Variants in NPR1 observed in about 807,000 individuals in gnomAD.
The protein encoded by NPR1 is atrial natriuretic peptide receptor 1.
Under a neutral mutation model 116.9 loss-of-function variants are expected in NPR1, and 57 were observed. That is an observed-to-expected ratio of 0.49 (90% CI 0.39 to 0.61). NPR1 has a LOEUF of 0.61. Ranked by LOEUF, NPR1 falls within the 20% of genes least tolerant of loss-of-function variation. The pLI is 0.00. For synonymous variants in NPR1, 555 were observed against 601.6 expected (o/e 0.92, Z 1.13); for missense variants, 1,096 against 1,409.8 (o/e 0.78, Z 3.56).
At position 153,679,680 on chromosome 1, in the gene NPR1, G is replaced by C; in HGVS notation, c.572G>C (p.Gly191Ala). ...QALMLYAYRPGDEEHCFFLVE... is the reference protein window; with the variant it reads ...QALMLYAYRPADEEHCFFLVE... ...CTCATGCTCTACGCCTACCGGCCGGGTGACGAAGAGCACTGCTTCTTCCTC... is the reference window on the plus strand; with the variant it reads ...CTCATGCTCTACGCCTACCGGCCGGCTGACGAAGAGCACTGCTTCTTCCTC... Residue 191 changes from glycine (G) to alanine (A), a missense_variant, in exon 1 of 22, where the codon GGT becomes GCT. Coordinates refer to ENST00000368680, the MANE Select transcript of NPR1 (RefSeq NM_000906.4). This position sits in a 1 kb window ranked among gnomAD's most constrained non-coding sequence, Gnocchi z 4.2. 6.2e-7 allele frequency: 1 copy of C among 1,609,340 alleles called. No homozygotes were observed. The highest frequency in any genetic ancestry group is 8.5e-7 in the Non-Finnish European group (1 of 1,179,226).
Position 153,693,859 on chromosome 1 carries a change from C to T in NPR1, c.*445C>T, listed in dbSNP as rs958251015. 5.0e-6 allele frequency: 2 copies of T among 400,716 alleles called. No individual in the cohort carries two copies. Among genetic ancestry groups the T allele is most frequent in the Middle Eastern group, 6.3e-4 (1 of 1,598 alleles). The allele number at this position is 400,716 out of a possible 1,614,324, so 24.8% of individuals were successfully genotyped here. A position where few individuals can be genotyped will look rare whatever the true frequency, so the allele number is the denominator to read the frequency against. ...CACATCTGGGGCTGGCCCACAATAC[C>T]TGCTCCCCCGACCCCCTCCACCCAG... On this transcript the variant is annotated 3_prime_UTR_variant, in exon 22 of 22. Coordinates refer to ENST00000368680, the MANE Select transcript of NPR1 (RefSeq NM_000906.4).
At chr1:153,687,377 C>G in intron 13 of NPR1, 21 bp downstream of exon 13, 5 of 1,612,152 alleles carry the variant, frequency 3.1e-6, no homozygotes, top group Non-Finnish European at 4.2e-6. Context: ...ACTCTTGAAC[C>G]TAACACCTGC....
chr1:153,690,887 G>A (rs1670089642), intron 20 of NPR1, among the ~76,000 whole-genome samples: 1 of 140,072 alleles, frequency 7.1e-6, no homozygotes, highest in African/African-American at 2.7e-5. Flanking sequence ...AGGTTGCGAT[G>A]AGCCAAGATT....
At chr1:153,691,917 AAAAG>A (rs1177204742) in intron 20 of NPR1, among the ~76,000 whole-genome samples, 2 of 151,842 alleles carry the variant, frequency 1.3e-5, no homozygotes, top group Non-Finnish European at 2.9e-5. Context: ...GAAAGAAAAG[AAAAG>A]AAAGAAACTG....
rs1183402081 is a variant in NPR1, at chr1:153,689,730, C to T, written c.2758-76C>T. On this transcript the variant is annotated intron_variant, in intron 18 of 21. Coordinates refer to ENST00000368680, the MANE Select transcript of NPR1 (RefSeq NM_000906.4). This position sits in a 1 kb window ranked among gnomAD's most constrained non-coding sequence, Gnocchi z 5.1. ...AGATGAGGGTACAGAATGACAGACGCTGCACCCGGTGTGACGGTGTGGCCG... is the reference window on the plus strand; with the variant it reads ...AGATGAGGGTACAGAATGACAGACGTTGCACCCGGTGTGACGGTGTGGCCG... 7.1e-7 allele frequency: 1 copy of T among 1,415,376 alleles called. No homozygotes were observed. Among genetic ancestry groups the T allele is most frequent in the African/African-American group, 1.4e-5 (1 of 70,428 alleles). 87.7% of individuals were successfully genotyped at this position (1,415,376 alleles called of 1,614,324 possible). A position where few individuals can be genotyped will look rare whatever the true frequency, so the allele number is the denominator to read the frequency against.
intron 10 of NPR1, 26 bp from the exon 11 acceptor site, chr1:153,686,620 G>C: frequency 6.2e-7 from 1 of 1,601,026 alleles, no homozygotes; most frequent in South Asian, 1.1e-5. Context: ...TCTCTGTCAA[G>C]CTCCTGATGC....
At position 153,685,788 on chromosome 1, in the gene NPR1, T is replaced by A; in HGVS notation, c.1606-18T>A. ...GGGCCCACCGGCTGACCATTCCTCC[T>A]GCTCTCCCTCCTTTCAGAGAGGCTC... On this transcript the variant is annotated intron_variant, in intron 8 of 21. Transcript: ENST00000368680. 1 of 1,610,770 alleles carries A rather than the reference T, an allele frequency of 6.2e-7. No individual in the cohort carries two copies. Among genetic ancestry groups the A allele is most frequent in the Non-Finnish European group, 8.5e-7 (1 of 1,176,918 alleles).
At chr1:153,693,288 G>T (rs1479722665) in intron 21 of NPR1, 64 bp from the exon 22 acceptor site, 1 of 1,601,986 alleles carries the variant, frequency 6.2e-7, no homozygotes, top group South Asian at 1.1e-5. Flanking sequence ...CATCCCTAAG[G>T]CTCTCATCTG....
chr1:153,688,290 C>T, intron 15 of NPR1, 69 bp downstream of exon 15: 2 of 1,538,486 alleles, frequency 1.3e-6, no homozygotes, highest in Admixed American at 3.6e-5. Context: ...ATGCTTCTGG[C>T]TCTGGCTTAT....
rs374064778 is a variant in NPR1 at position 153,690,037 on chromosome 1, CTT to C, written c.2932+58_2932+59del. On this transcript the variant is annotated intron_variant, in intron 19 of 21. Coordinates refer to ENST00000368680, the MANE Select transcript of NPR1 (RefSeq NM_000906.4). Reference sequence around the variant, plus strand: ...AGAGGCCAAGGCTTCGCAAGGGAAACTTGTCCCCTGGCCCAGCCCCTCGCCCT... The same window carrying C: ...AGAGGCCAAGGCTTCGCAAGGGAAACGTCCCCTGGCCCAGCCCCTCGCCCT... 365 of 1,416,082 alleles carry C rather than the reference CTT, an allele frequency of 2.6e-4. 2 individuals are homozygous for C. In the East Asian group the frequency reaches 7.6e-3, roughly 30 times the overall value. 87.7% of individuals were successfully genotyped at this position (1,416,082 alleles called of 1,614,324 possible).
intron 15 of NPR1, 37 bp downstream of exon 15, chr1:153,688,258 C>T (rs372398554): frequency 3.1e-6 from 5 of 1,595,768 alleles, no homozygotes; most frequent in Non-Finnish European, 4.3e-6. Flanking sequence ...CAGGCCCTTC[C>T]TCCACAGCCA....
At position 153,679,784 on chromosome 1, in the gene NPR1, A is replaced by G. The variant is rs761587113; in HGVS notation, c.676A>G (p.Ser226Gly). 4.5e-6 allele frequency: 7 copies of G among 1,557,638 alleles called. No individual in the cohort carries two copies. Among genetic ancestry groups the G allele is most frequent in the Non-Finnish European group, 6.1e-6 (7 of 1,155,890 alleles). The part of the protein sequence containing the change: ...DHLEFAEDDL[S>G]HYTRLLRTMP... ...CCTGGAGTTCGCCGAGGACGACCTC[A>G]GCCACTACACCAGGCTGCTGCGGAC... Residue 226 changes from serine to glycine, a missense_variant, in exon 1 of 22, where the codon AGC becomes GGC. Physicochemically the swap from Ser to Gly is moderately conservative, Grantham distance 56 (BLOSUM62 0). Transcript: ENST00000368680. This position sits in a 1 kb window ranked among gnomAD's most constrained non-coding sequence, Gnocchi z 4.2.
At chr1:153,684,044 A>ATCCAAGGAATG (rs2101732111) in intron 7 of NPR1, among the ~76,000 whole-genome samples, 2 of 152,228 alleles carry the variant, frequency 1.3e-5, no homozygotes, top group South Asian at 4.1e-4. Context: ...GGCCAAGGAG[A>ATCCAAGGAATG]GTCAGAAAGA....
In NPR1 at chr1:153,688,943, C is replaced by T. The variant is rs773478748; in HGVS notation, c.2418-10C>T. 5 of 1,613,860 alleles carry T rather than the reference C, an allele frequency of 3.1e-6. No homozygotes were observed. In the East Asian group the frequency reaches 1.1e-4, roughly 36 times the overall value. On this transcript the variant is annotated splice_polypyrimidine_tract_variant and intron_variant, in intron 15 of 21. Coordinates refer to ENST00000368680, the MANE Select transcript of NPR1 (RefSeq NM_000906.4). ...CTCTTACCACCCCCACCGCCACCCT[C>T]TGCCCCCAGGGAGAACAGCAGCAAC...
rs1669701206 is a variant in NPR1, at chr1:153,679,532, C to T, written c.424C>T (p.Pro142Ser). Reference sequence around the variant, plus strand: ...GGTCCCGCTGCTGACCGCCGGCGCCCCGGCGCTGGGCTTCGGTGTCAAGGA... The same window carrying T: ...GGTCCCGCTGCTGACCGCCGGCGCCTCGGCGCTGGGCTTCGGTGTCAAGGA... The part of the protein sequence containing the change: ...WRVPLLTAGA[P>S]ALGFGVKDEY... The change falls in exon 1 of 22, where the codon CCG (proline) becomes TCG (serine). Residue 142 changes from proline to serine, a missense_variant. Transcript: ENST00000368680. The surrounding 1 kb of genome is among the most constrained non-coding windows in gnomAD (Gnocchi z 4.2). 1 of 1,538,440 alleles carries T rather than the reference C, an allele frequency of 6.5e-7. No homozygotes were observed. The highest frequency in any genetic ancestry group is 1.4e-5 in the African/African-American group (1 of 72,856).
intron 20 of NPR1, among the ~76,000 whole-genome samples, chr1:153,692,778 G>T (rs1458317333): frequency 1.3e-5 from 2 of 152,166 alleles, no homozygotes. Context: ...CTCCCAAAGT[G>T]CTGGGATTAC....
At position 153,689,446 on chromosome 1, in the gene NPR1, C is replaced by T. The variant is rs768786835; in HGVS notation, c.2689-7C>T. The T allele has an allele frequency of 6.2e-7, 1 of 1,614,008 alleles. No homozygotes were observed. The highest frequency in any genetic ancestry group is 1.7e-5 in the Admixed American group (1 of 59,998). ...TCCTGTCTCTCTTAGCTTCTCTTCC[C>T]TTCCAGGTGGTGACCCTGCTCAATG... On this transcript the variant is annotated splice_polypyrimidine_tract_variant and splice_region_variant and intron_variant, in intron 17 of 21. Coordinates refer to ENST00000368680, the MANE Select transcript of NPR1 (RefSeq NM_000906.4). This position sits in a 1 kb window ranked among gnomAD's most constrained non-coding sequence, Gnocchi z 5.1.
At chr1:153,681,398 C>T (rs190999246) in intron 3 of NPR1, 105 bp downstream of exon 3, 2 of 728,012 alleles carry the variant, frequency 2.7e-6, no homozygotes, top group Admixed American at 4.8e-5. Context: ...CCTTCCTTCC[C>T]TCCCTTCCCA....
Position 153,689,582 on chromosome 1 carries a change from G to T in NPR1, c.2757+61G>T. 1.3e-6 allele frequency: 2 copies of T among 1,503,276 alleles called. No homozygotes were observed. The highest frequency in any genetic ancestry group is 4.5e-5 in the East Asian group (2 of 44,374). The allele number at this position is 1,503,276 out of a possible 1,614,324, so 93.1% of individuals were successfully genotyped here. On this transcript the variant is annotated intron_variant, in intron 18 of 21. Transcript: ENST00000368680. This position sits in a 1 kb window ranked among gnomAD's most constrained non-coding sequence, Gnocchi z 5.1. ...GACATGGACAAGGTCAGAAAAAGATGAGGGGTAGGCAGAATGATGTGGAGT... is the reference window on the plus strand; with the variant it reads ...GACATGGACAAGGTCAGAAAAAGATTAGGGGTAGGCAGAATGATGTGGAGT...
Sources: allele counts gnomAD v4.1 joint callset (sites outside exome capture counted in the v4.1 genomes callset), GRCh38; gene constraint gnomAD v4.1.1; non-coding constraint Gnocchi (gnomAD v3.1); transcripts MANE v1.5; gene names NCBI Gene and HGNC (gene_info 2026-07-23, HGNC 2026-07-21).